NCAM2: variants seen among roughly 807,000 people sequenced by gnomAD.
NCAM2 encodes N-CAM-2.
A neutral mutation model predicts 98.1 loss-of-function variants in NCAM2; 30 were observed. That is an observed-to-expected ratio of 0.31 (90% confidence interval 0.23 to 0.41). NCAM2 has a LOEUF of 0.41. Among genes scored for constraint, NCAM2 ranks in the 10% least tolerant of loss-of-function variants. The probability of loss-of-function intolerance (pLI) is 1.00; values close to 1 mark genes in which losing one functional copy is unlikely to be tolerated. For missense variants in NCAM2, 867 were observed against 1,005.8 expected, an observed-to-expected ratio of 0.86 and a Z score of 1.87; for synonymous variants, 368 against 342.4, an observed-to-expected ratio of 1.07 and a Z score of -0.83.
At chr21:21,039,905 T>A (rs1036377936) in intron 1 of NCAM2, among the ~76,000 whole-genome samples, 1 of 152,208 alleles carries the variant, frequency 6.6e-6, no homozygotes, top group African/African-American at 2.4e-5. Context: ...TTATTATATT[T>A]CAAAACAGTT....
intron 1 of NCAM2, among the ~76,000 whole-genome samples, chr21:21,231,373 T>G (rs2070619128): frequency 6.6e-6 from 1 of 151,372 alleles, no homozygotes. Flanking sequence ...TATGTATCAT[T>G]ATCATGTACT....
At chr21:21,274,165 GAAA>G (rs199954458) in intron 1 of NCAM2, among the ~76,000 whole-genome samples, 70 of 136,230 alleles carry the variant, frequency 5.1e-4, no homozygotes, top group African/African-American at 1.8e-3. Context: ...AACTCTGTCT[GAAA>G]AAAAAAAAAA....
intron 1 of NCAM2, among the ~76,000 whole-genome samples, chr21:21,027,019 G>A (rs1005275050): frequency 2.0e-5 from 3 of 151,676 alleles, no homozygotes; most frequent in African/African-American, 4.8e-5. Context: ...ATTGCCACCC[G>A]ACCAATTTTT....
At chr21:21,442,847 T>C (rs940037500) in intron 12 of NCAM2, among the ~76,000 whole-genome samples, 4 of 152,188 alleles carry the variant, frequency 2.6e-5, no homozygotes, top group East Asian at 1.9e-4. Context: ...AAAGAAAATA[T>C]TGATATGAGT....
At chr21:21,345,865 C>A (rs1025868623) in intron 8 of NCAM2, among the ~76,000 whole-genome samples, 1 of 151,944 alleles carries the variant, frequency 6.6e-6, no homozygotes, top group East Asian at 1.9e-4. Flanking sequence ...GCATTTAATA[C>A]CTCAAGGCAT....
intron 1 of NCAM2, among the ~76,000 whole-genome samples, chr21:21,152,755 A>G (rs1454633762): frequency 1.3e-5 from 2 of 151,926 alleles, no homozygotes; most frequent in Non-Finnish European, 2.9e-5. Flanking sequence ...GTAGCGTTCC[A>G]GTTTACCACT....
chr21:21,000,080 A>G lies in NCAM2; in HGVS notation c.55+1462A>G, dbSNP rs566024188. On this transcript the variant is annotated intron_variant, in intron 1 of 17. Coordinates refer to ENST00000400546, the MANE Select transcript of NCAM2 (RefSeq NM_004540.5). ...GCAAAATTGCAGATATGTCCATCTG[A>G]AGCTAATACTAGCCCAATTCGTTAA... 6.6e-5 allele frequency among the ~76,000 whole-genome samples: 10 copies of G among 152,354 alleles called. No homozygotes were observed. In the South Asian group the frequency reaches 1.9e-3, roughly 28 times the overall value.
chr21:21,225,215 G>A (rs535100434), intron 1 of NCAM2, among the ~76,000 whole-genome samples: 32 of 152,084 alleles, frequency 2.1e-4, no homozygotes, highest in African/African-American at 7.5e-4. Context: ...ATGAGAACAC[G>A]TTGACACAGG....
rs935836277 is a variant in NCAM2, at chr21:21,244,243, A to T, written c.56-36335A>T. On this transcript the variant is annotated intron_variant, in intron 1 of 17. Transcript: ENST00000400546. ...TAAAACCCCTTTACTATAAAAGGAA[A>T]CCTTTTGTTGCTCCCAAGAAGAAAA... Among the ~76,000 whole-genome samples, 3 of 152,222 alleles carry T rather than the reference A, an allele frequency of 2.0e-5. No individual in the cohort carries two copies. The East Asian group carries it at 5.8e-4, about 29-fold the overall frequency.
At chr21:21,426,731 C>T (rs1239450963) in intron 11 of NCAM2, among the ~76,000 whole-genome samples, 1 of 152,092 alleles carries the variant, frequency 6.6e-6, no homozygotes, top group East Asian at 1.9e-4. Context: ...ATGCGCACCT[C>T]CTGAGAAAAG....
At chr21:21,067,662 A>G (rs2065469149) in intron 1 of NCAM2, among the ~76,000 whole-genome samples, 1 of 152,172 alleles carries the variant, frequency 6.6e-6, no homozygotes, top group Non-Finnish European at 1.5e-5. Flanking sequence ...TAATCATTCT[A>G]CTTATATTAA....
chr21:21,111,480 C>A (rs570032421), intron 1 of NCAM2, among the ~76,000 whole-genome samples: 8 of 152,040 alleles, frequency 5.3e-5, no homozygotes, highest in Admixed American at 5.2e-4. Context: ...ACAAGAAGAT[C>A]GAAGACTGAG....
At chr21:21,138,698 ATAAT>A (rs938230646) in intron 1 of NCAM2, among the ~76,000 whole-genome samples, 8 of 152,210 alleles carry the variant, frequency 5.3e-5, no homozygotes, top group Admixed American at 1.3e-4. Context: ...TTTATAATAA[ATAAT>A]TAGTGTATTT....
At chr21:21,401,912 AT>A (rs1174557427) in intron 9 of NCAM2, among the ~76,000 whole-genome samples, 1 of 152,134 alleles carries the variant, frequency 6.6e-6, no homozygotes, top group Non-Finnish European at 1.5e-5. Flanking sequence ...AATTGTGAAG[AT>A]TTCATGGACA....
At chr21:21,324,012 C>T (rs2074444457) in intron 5 of NCAM2, among the ~76,000 whole-genome samples, 1 of 151,920 alleles carries the variant, frequency 6.6e-6, no homozygotes, top group East Asian at 1.9e-4. Context: ...AGACATAATT[C>T]CTAAAAGTAT....
At chr21:21,307,402 A>C (rs1010561246) in intron 5 of NCAM2, among the ~76,000 whole-genome samples, 10 of 152,160 alleles carry the variant, frequency 6.6e-5, no homozygotes, top group African/African-American at 2.4e-4. Flanking sequence ...TTAATCATAA[A>C]ACTCATAATA....
chr21:21,349,404 C>T (rs1169679721), intron 8 of NCAM2, among the ~76,000 whole-genome samples: 1 of 152,036 alleles, frequency 6.6e-6, no homozygotes, highest in Non-Finnish European at 1.5e-5. Context: ...ATTAAAATGG[C>T]TTATATCCAG....
At chr21:21,489,096 C>A (rs531916795) in intron 15 of NCAM2, among the ~76,000 whole-genome samples, 3 of 152,126 alleles carry the variant, frequency 2.0e-5, no homozygotes, top group African/African-American at 7.2e-5. Context: ...GTACAAGCAA[C>A]ACTCATGCCT....
chr21:21,169,219 G>T (rs1353470737), intron 1 of NCAM2, among the ~76,000 whole-genome samples: 1 of 152,070 alleles, frequency 6.6e-6, no homozygotes, highest in East Asian at 1.9e-4. Context: ...TGATATGGGA[G>T]CAACTAGATA....
Sources: gnomAD v4.1 joint callset for allele counts (sites outside exome capture counted in the v4.1 genomes callset) on GRCh38, gnomAD v4.1.1 for gene constraint, MANE v1.5 for transcripts, NCBI Gene and HGNC (gene_info 2026-07-23, HGNC 2026-07-21) for gene names.